Variants in RAD23B observed in about 807,000 individuals in gnomAD.
The protein encoded by RAD23B is lysine-specific demethylase RAD23B.
RAD23B carries 5 observed loss-of-function variants against 49.1 expected under a neutral mutation model. That is an observed-to-expected ratio of 0.10 (90% CI 0.05 to 0.21). The LOEUF is 0.21. RAD23B is among the 10% of genes least tolerant of loss of function. The probability of loss-of-function intolerance (pLI) is 1.00; values close to 1 mark genes in which losing one functional copy is unlikely to be tolerated. For synonymous variants in RAD23B, 184 were observed against 165.4 expected, an observed-to-expected ratio of 1.11 and a Z score of -0.86; for missense variants, 356 against 486.7, an observed-to-expected ratio of 0.73 and a Z score of 2.53.
intron 1 of RAD23B, among the ~76,000 whole-genome samples, chr9:107,293,981 C>A (rs1290786244): frequency 6.6e-6 from 1 of 152,146 alleles, no homozygotes; most frequent in Non-Finnish European, 1.5e-5. Context: ...GATGGTGGCT[C>A]ACTATGTTGA....
intron 1 of RAD23B, chr9:107,284,033 C>G (rs1281210060): frequency 2.1e-5 from 22 of 1,051,186 alleles, no homozygotes; most frequent in Non-Finnish European, 2.5e-5. Flanking sequence ...TAGAGCCTGG[C>G]TTTCTGGTAT....
chr9:107,311,689 G>T lies in RAD23B; in HGVS notation c.505G>T (p.Gly169Cys). Residue 169 changes from glycine to cysteine, a missense_variant, in exon 5 of 10, where the codon GGT becomes TGT. Physicochemically the swap from Gly to Cys is radical, Grantham distance 159. This residue lies in a region of RAD23B where 137 missense variants were observed against 122.0 expected (regional missense o/e 1.12). Transcript: ENST00000358015. ...TCTAAAATCCTTTTGTAGTACATCG[G>T]GTGATTCTTCTCGGTCAAACCTTTT... ...TSPTATDSTS[G>C]DSSRSNLFED... 1 of 1,568,516 alleles carries T rather than the reference G, an allele frequency of 6.4e-7. No homozygotes were observed. Among genetic ancestry groups the T allele is most frequent in the Non-Finnish European group, 8.6e-7 (1 of 1,164,756 alleles).
At chr9:107,312,087 CT>C (rs1826899982) in intron 5 of RAD23B, among the ~76,000 whole-genome samples, 1 of 152,224 alleles carries the variant, frequency 6.6e-6, no homozygotes, top group Admixed American at 6.5e-5. Context: ...CTGCCTCACA[CT>C]TCATGTGTAT....
chr9:107,296,262 C>CGG (rs756920364), intron 1 of RAD23B, among the ~76,000 whole-genome samples: 17 of 152,124 alleles, frequency 1.1e-4, no homozygotes, highest in Non-Finnish European at 2.1e-4. Context: ...CGTGCCTTCC[C>CGG]CCACCACCTT....
chr9:107,318,796 A>T lies in RAD23B; in HGVS notation c.598A>T (p.Met200Leu), dbSNP rs755295616. Residue 200 changes from methionine to leucine, a missense_variant, in exon 6 of 10, where the codon ATG (methionine) becomes TTG (leucine). Met to Leu is a conservative substitution (Grantham distance 15). Transcript: ENST00000358015. This position sits in a 1 kb window ranked among gnomAD's most constrained non-coding sequence, Gnocchi z 4.3. ...GAATATGGTAACTGAGATCATGTCA[A>T]TGGGCTATGAACGAGAGCAAGTAAT... The part of the protein sequence containing the change: ...YENMVTEIMS[M>L]GYEREQVIAA... The T allele has an allele frequency of 6.2e-7, 1 of 1,613,708 alleles. No individual in the cohort carries two copies. The highest frequency in any genetic ancestry group is 1.7e-5 in the Admixed American group (1 of 60,020).
At chr9:107,324,442 C>T (rs1422105400) in intron 8 of RAD23B, among the ~76,000 whole-genome samples, 1 of 152,164 alleles carries the variant, frequency 6.6e-6, no homozygotes, top group Non-Finnish European at 1.5e-5. Flanking sequence ...CTTTAGTGAT[C>T]AGATCACCAA....
chr9:107,310,957 T>C (rs529064088), intron 4 of RAD23B, among the ~76,000 whole-genome samples: 23 of 152,220 alleles, frequency 1.5e-4, no homozygotes, highest in Non-Finnish European at 2.4e-4. Context: ...GATACAGGTC[T>C]AAGTGTGTAT....
intron 5 of RAD23B, among the ~76,000 whole-genome samples, chr9:107,314,993 T>C (rs1407576128): frequency 6.6e-6 from 1 of 152,216 alleles, no homozygotes; most frequent in Non-Finnish European, 1.5e-5. Context: ...AATGGGGTTA[T>C]TTGTTTTTTT....
chr9:107,307,786 T>A (rs73517707), intron 4 of RAD23B, among the ~76,000 whole-genome samples: 3,353 of 152,278 alleles, frequency 0.022, 119 homozygotes, highest in African/African-American at 0.074. Flanking sequence ...TCTAAATAAT[T>A]GATTCCCTAA....
chr9:107,315,314 A>G (rs1346026329), intron 5 of RAD23B, among the ~76,000 whole-genome samples: 3 of 152,136 alleles, frequency 2.0e-5, no homozygotes, highest in East Asian at 1.9e-4. Flanking sequence ...TGGGTTCTCT[A>G]TTCTGTTCCA....
At chr9:107,285,091 T>C (rs1833249144) in intron 1 of RAD23B, among the ~76,000 whole-genome samples, 1 of 152,208 alleles carries the variant, frequency 6.6e-6, no homozygotes, top group Admixed American at 6.5e-5. Context: ...GATTTCAGAA[T>C]ATTTATATGT....
intron 3 of RAD23B, among the ~76,000 whole-genome samples, chr9:107,302,361 AATGTC>A (rs1483646548): frequency 6.6e-6 from 1 of 152,170 alleles, no homozygotes; most frequent in Non-Finnish European, 1.5e-5. Flanking sequence ...TGAAAAATAA[AATGTC>A]ATGTTAAAAT....
At chr9:107,284,341 G>A (rs926940911) in intron 1 of RAD23B, among the ~76,000 whole-genome samples, 1 of 152,078 alleles carries the variant, frequency 6.6e-6, no homozygotes, top group African/African-American at 2.4e-5. Flanking sequence ...GGTTTTAGCT[G>A]TTAGAGCTCT....
intron 9 of RAD23B, among the ~76,000 whole-genome samples, chr9:107,325,899 T>G (rs953490237): frequency 6.6e-6 from 1 of 152,220 alleles, no homozygotes; most frequent in African/African-American, 2.4e-5. Flanking sequence ...TTTATCAGAT[T>G]GAAGAAATTC....
At position 107,306,419 on chromosome 9, in the gene RAD23B, A is replaced by C. The variant is rs1826773791; in HGVS notation, c.269A>C (p.Gln90Pro). The change falls in exon 4 of 10, where the codon CAG becomes CCG. Residue 90 changes from glutamine to proline, a missense_variant. Transcript: ENST00000358015. ...VSTPAPATTQQSAPASTTAVT... is the reference protein window; with the variant it reads ...VSTPAPATTQPSAPASTTAVT... ...ACACCAGCACCAGCTACAACTCAGCAGTCAGCTCCTGCCAGCACTACAGCA... is the reference window on the plus strand; with the variant it reads ...ACACCAGCACCAGCTACAACTCAGCCGTCAGCTCCTGCCAGCACTACAGCA... 5.6e-6 allele frequency: 9 copies of C among 1,614,194 alleles called. No homozygotes were observed. The highest frequency in any genetic ancestry group is 7.6e-6 in the Non-Finnish European group (9 of 1,180,034).
intron 1 of RAD23B, among the ~76,000 whole-genome samples, chr9:107,291,792 T>C (rs906561600): frequency 2.0e-5 from 3 of 152,234 alleles, no homozygotes; most frequent in African/African-American, 7.2e-5. Flanking sequence ...TAGTACACAT[T>C]TGGCTTTGGG....
rs765239059 is a variant in RAD23B, at chr9:107,306,616, C to G, written c.466C>G (p.Pro156Ala). Residue 156 changes from proline (P) to alanine (A), a missense_variant, in exon 4 of 10, where the codon CCA (proline) becomes GCA (alanine). Coordinates refer to ENST00000358015, the MANE Select transcript of RAD23B (RefSeq NM_002874.5). ...EKPAEKPAET[P>A]VATSPTATDS... ...GCCTGCAGAAAAGCCAGCAGAGACA[C>G]CAGTGGCTACTAGCCCAACAGCAAC... The G allele has an allele frequency of 6.2e-7, 1 of 1,614,170 alleles. No individual in the cohort carries two copies. The highest frequency in any genetic ancestry group is 2.2e-5 in the East Asian group (1 of 44,886).
intron 1 of RAD23B, among the ~76,000 whole-genome samples, chr9:107,287,205 A>G (rs184472385): frequency 6.7e-6 from 1 of 149,658 alleles, no homozygotes; most frequent in Admixed American, 6.7e-5. Flanking sequence ...AACATTAAGA[A>G]AGGTAGATTT....
chr9:107,309,930 C>CAAAAAAAAAA (rs34745859), intron 4 of RAD23B, among the ~76,000 whole-genome samples: 1 of 75,452 alleles, frequency 1.3e-5, no homozygotes, highest in Non-Finnish European at 2.8e-5. Flanking sequence ...GACTCCATCT[C>CAAAAAAAAAA]AAAAAAAAAA....
Sources: gnomAD v4.1 joint callset for allele counts (sites outside exome capture counted in the v4.1 genomes callset) on GRCh38, gnomAD v4.1.1 for gene constraint, gnomAD v4.1.1 regional missense constraint, Gnocchi (gnomAD v3.1) non-coding constraint, MANE v1.5 for transcripts, NCBI Gene and HGNC (gene_info 2026-07-23, HGNC 2026-07-21) for gene names.